RNF17: variants seen among roughly 807,000 people sequenced by gnomAD.
RNF17 encodes ring finger protein 17, also known as spermatogenesis associated 23.
In RNF17, 31 loss-of-function variants were observed where a neutral mutation model predicts 200.5. The observed-to-expected ratio is 0.15, with a 90% CI of 0.12 to 0.21. RNF17 has a LOEUF of 0.21. Among genes scored for constraint, RNF17 ranks in the 10% least tolerant of loss-of-function variants. RNF17 has a pLI of 1.00. For missense variants in RNF17, 1,628 were observed against 1,905.1 expected (o/e 0.85, Z 2.71); for synonymous variants, 606 against 637.8 (o/e 0.95, Z 0.75).
chr13:24,787,868 T>C (rs1883327554), intron 6 of RNF17, 120 bp from the exon 7 acceptor site: 1 of 687,660 alleles, frequency 1.5e-6, no homozygotes, highest in Admixed American at 3.1e-5. Context: ...GTTTGCCTCA[T>C]TTAACCATAT....
chr13:24,762,097 G>A (rs568440375), upstream of RNF17, among the ~76,000 whole-genome samples: 13 of 152,236 alleles, frequency 8.5e-5, no homozygotes, highest in East Asian at 1.7e-3. Context: ...GGCCGGACGC[G>A]GTGGCTCACG....
At chr13:24,785,844 C>A (rs1272932855) in intron 6 of RNF17, among the ~76,000 whole-genome samples, 6 of 152,042 alleles carry the variant, frequency 3.9e-5, no homozygotes, top group Admixed American at 3.9e-4. Context: ...TGGAGCCACC[C>A]CAGCTTTTTA....
downstream of RNF17, among the ~76,000 whole-genome samples, chr13:24,880,706 C>G (rs1953790693): frequency 6.6e-6 from 1 of 152,076 alleles, no homozygotes; most frequent in Non-Finnish European, 1.5e-5. Flanking sequence ...GAGCGGCTTT[C>G]TAGTACATAT....
intron 33 of RNF17, among the ~76,000 whole-genome samples, chr13:24,876,478 C>G (rs898491964): frequency 6.6e-6 from 1 of 152,186 alleles, no homozygotes; most frequent in Non-Finnish European, 1.5e-5. Flanking sequence ...ATGGTCTATG[C>G]TTAATTTTTG....
chr13:24,854,226 C>G, intron 25 of RNF17, 82 bp downstream of exon 25: 1 of 1,064,968 alleles, frequency 9.4e-7, no homozygotes, highest in Non-Finnish European at 1.4e-6. Context: ...CCTCTTTGAA[C>G]GTTATTTTCA....
intron 2 of RNF17, among the ~76,000 whole-genome samples, chr13:24,767,988 C>T (rs538744726): frequency 6.6e-6 from 1 of 152,044 alleles, no homozygotes; most frequent in South Asian, 2.1e-4. Context: ...AACCCTAGCC[C>T]CTGTTTTACC....
intron 22 of RNF17, among the ~76,000 whole-genome samples, chr13:24,845,870 G>A (rs1229403208): frequency 6.6e-6 from 1 of 152,076 alleles, no homozygotes; most frequent in African/African-American, 2.4e-5. Context: ...AGAAATTGCT[G>A]GGAATAGACT....
At chr13:24,856,849 G>T (rs183282264) in intron 25 of RNF17, among the ~76,000 whole-genome samples, 1 of 152,124 alleles carries the variant, frequency 6.6e-6, no homozygotes, top group African/African-American at 2.4e-5. Context: ...TTTTCTTTAG[G>T]TGTATCTTGG....
intron 25 of RNF17, among the ~76,000 whole-genome samples, chr13:24,856,344 TG>T (rs1458705135): frequency 6.9e-6 from 1 of 144,210 alleles, no homozygotes; most frequent in African/African-American, 2.6e-5. Flanking sequence ...CGTTTGAACC[TG>T]GGAGGCAGAG....
At position 24,781,860 on chromosome 13, in the gene RNF17, A is replaced by G. The variant is rs766354071; in HGVS notation, c.527A>G (p.Gln176Arg). 3.1e-6 allele frequency: 5 copies of G among 1,608,238 alleles called. No individual in the cohort carries two copies. In the Admixed American group the frequency reaches 6.8e-5, roughly 22 times the overall value. The change falls in exon 6 of 36, where the codon CAG (glutamine) becomes CGG (arginine). Residue 176 changes from glutamine (Q) to arginine (R), a missense_variant. Around this residue, in one of 5 missense-constraint regions of RNF17, gnomAD observed 502 missense variants for 501.7 expected, o/e 1.00. Transcript: ENST00000255324. ...TTTTTCCAGGCACTTGAACACATGC[A>G]GAAGCAAACGATAGAGGAAAGAGAA... Reference protein sequence around the residue: ...SIAGKALEHMQKQTIEERERV... With the variant: ...SIAGKALEHMRKQTIEERERV...
chr13:24,760,890 C>T (rs555878944), upstream of RNF17, among the ~76,000 whole-genome samples: 2 of 151,926 alleles, frequency 1.3e-5, no homozygotes, highest in East Asian at 3.9e-4. Flanking sequence ...CACTAATCAT[C>T]AGGGAAATGC....
chr13:24,764,492 A>G (rs1028811266), intron 1 of RNF17, 159 bp downstream of exon 1: 1 of 688,690 alleles, frequency 1.5e-6, no homozygotes, highest in Admixed American at 6.3e-5. Flanking sequence ...CCGACCTCTA[A>G]GAGGGCAGTG....
intron 9 of RNF17, among the ~76,000 whole-genome samples, chr13:24,791,146 T>A (rs1384636084): frequency 2.0e-5 from 3 of 152,144 alleles, no homozygotes; most frequent in Non-Finnish European, 4.4e-5. Context: ...ATAATTTTGA[T>A]GGCCATTTGG....
At chr13:24,840,830 C>T (rs565935143) in intron 18 of RNF17, among the ~76,000 whole-genome samples, 10 of 152,208 alleles carry the variant, frequency 6.6e-5, no homozygotes, top group East Asian at 1.9e-4. Flanking sequence ...CACAAGTCAC[C>T]GCTAAAGAAC....
chr13:24,789,261 A>G lies in RNF17; in HGVS notation c.784-87A>G. On this transcript the variant is annotated intron_variant, in intron 7 of 35. Transcript: ENST00000255324. ...ATGCAATAATTAATGAAATACCTAA[A>G]AGATACAGTTTTCTTTCTAAAATCT... 3.4e-6 allele frequency: 3 copies of G among 894,874 alleles called. 1 individual carries two copies. Among genetic ancestry groups the G allele is most frequent in the South Asian group, 3.2e-5 (2 of 63,314 alleles). 55.4% of individuals were successfully genotyped at this position (894,874 alleles called of 1,614,324 possible).
At chr13:24,849,915 A>G (rs1891680007) in intron 22 of RNF17, among the ~76,000 whole-genome samples, 1 of 152,168 alleles carries the variant, frequency 6.6e-6, no homozygotes, top group South Asian at 2.1e-4. Context: ...TATTTCTGGA[A>G]TGGCTTCTAT....
chr13:24,887,742 C>T, the RNF17 span, among the ~76,000 whole-genome samples: 16,893 of 152,136 alleles, frequency 0.11, 1,116 homozygotes, highest in Non-Finnish European at 0.15. Flanking sequence ...TGCCCCTTAC[C>T]CCAGTCCATG....
chr13:24,812,245 C>T (rs1230263370), intron 15 of RNF17, among the ~76,000 whole-genome samples: 2 of 151,648 alleles, frequency 1.3e-5, no homozygotes, highest in Admixed American at 6.6e-5. Flanking sequence ...CCCAGCCTCG[C>T]TGCCGCCTTG....
In RNF17 at chr13:24,864,873, G is replaced by T; in HGVS notation, c.3976G>T (p.Glu1326Ter). The change falls in exon 29 of 36, where the codon GAG becomes TAG. Residue 1326 changes from glutamate (E) to a stop codon, truncating the protein, a stop_gained and splice_region_variant. Transcript: ENST00000255324. LOFTEE classifies it high-confidence loss of function. ...ATTATCTTTATTGAACTTTAAATAGGAGTTACCTAAAAATCCATGGGAGAA... is the reference window on the plus strand; with the variant it reads ...ATTATCTTTATTGAACTTTAAATAGTAGTTACCTAAAAATCCATGGGAGAA... ...SKRQVDIHIM[E>*]LPKNPWEKLS... is the part of the protein sequence containing the mutation. 1 of 1,535,382 alleles carries T rather than the reference G, an allele frequency of 6.5e-7. No individual in the cohort carries two copies. The highest frequency in any genetic ancestry group is 1.2e-5 in the South Asian group (1 of 85,042).
Sources: allele counts gnomAD v4.1 joint callset (sites outside exome capture counted in the v4.1 genomes callset), GRCh38; gene constraint gnomAD v4.1.1; regional missense constraint gnomAD v4.1.1; transcripts MANE v1.5; gene names NCBI Gene and HGNC (gene_info 2026-07-23, HGNC 2026-07-21).